Variants in ACBD6 observed in about 807,000 individuals in gnomAD.
The protein encoded by ACBD6 is acyl-CoA-binding domain-containing protein 6.
A neutral mutation model predicts 37.2 loss-of-function variants in ACBD6; 28 were observed. The ratio of observed to expected loss-of-function variants is 0.75; its 90% CI spans 0.56 to 1.03. ACBD6 has a LOEUF of 1.03. ACBD6 is among the 50% of genes least tolerant of loss of function. The pLI, the probability that ACBD6 is intolerant of heterozygous loss-of-function variation, is 0.00. For missense variants in ACBD6, 340 were observed against 337.4 expected (o/e 1.01, Z -0.06); for synonymous variants, 113 against 126.8 (o/e 0.89, Z 0.73).
chr1:180,278,961 A>AAAT (rs886448564), intron 9 of ACBD6: 1 of 152,186 alleles, frequency 6.6e-6, no homozygotes, highest in African/African-American at 2.4e-5. Context: ...AAATTATGTA[A>AAAT]AATAAATATG....
chr1:180,342,395 T>G (rs1652015440), intron 6 of ACBD6, among the ~76,000 whole-genome samples: 1 of 152,164 alleles, frequency 6.6e-6, no homozygotes, highest in Non-Finnish European at 1.5e-5. Context: ...ACAATTATCT[T>G]AAATTATTAT....
exon 14 of ACBD6, chr1:180,271,591 A>G: frequency 6.3e-7 from 1 of 1,599,778 alleles, no homozygotes; most frequent in Non-Finnish European, 8.6e-7. Context: ...ACAGGGGTGG[A>G]AGGTATCCTG....
intron 6 of ACBD6, among the ~76,000 whole-genome samples, chr1:180,381,873 C>G (rs953741852): frequency 6.6e-6 from 1 of 151,834 alleles, no homozygotes; most frequent in Non-Finnish European, 1.5e-5. Flanking sequence ...TTTGGGAGGC[C>G]GAGGTGGGCA....
At chr1:180,306,414 T>A (rs1318987922) in intron 7 of ACBD6, among the ~76,000 whole-genome samples, 1 of 152,108 alleles carries the variant, frequency 6.6e-6, no homozygotes, top group Admixed American at 6.5e-5. Context: ...AATCAGGTCA[T>A]TATTAGACTC....
chr1:180,412,437 T>A (rs1197419582), intron 5 of ACBD6, among the ~76,000 whole-genome samples: 1 of 152,246 alleles, frequency 6.6e-6, no homozygotes. Flanking sequence ...GCCATTTCAG[T>A]AATCTTTCAC....
At chr1:180,495,720 T>C (rs1224653226) in intron 1 of ACBD6, among the ~76,000 whole-genome samples, 195 bp from the exon 2 acceptor site, 1 of 152,190 alleles carries the variant, frequency 6.6e-6, no homozygotes, top group Non-Finnish European at 1.5e-5. Context: ...ACATACAGCC[T>C]ACTTTGGCTT....
At chr1:180,478,283 TAGAG>T (rs1308930901) in intron 3 of ACBD6, among the ~76,000 whole-genome samples, 2 of 152,158 alleles carry the variant, frequency 1.3e-5, no homozygotes, top group African/African-American at 4.8e-5. Flanking sequence ...GTGTGTCTAT[TAGAG>T]AAATACACAA....
intron 6 of ACBD6, among the ~76,000 whole-genome samples, chr1:180,364,917 T>C (rs531879239): frequency 1.3e-5 from 2 of 152,196 alleles, no homozygotes; most frequent in African/African-American, 4.8e-5. Flanking sequence ...GTAGTTTTAA[T>C]AGAGACAGGG....
At position 180,430,191 on chromosome 1, in the gene ACBD6, T is replaced by C. The variant is rs189730262; in HGVS notation, c.456A>G (p.Glu152=). The change falls in exon 4 of 8, where the codon GAA becomes GAG. Residue 152 remains glutamate, a synonymous_variant. Transcript: ENST00000367595. ...AGAAGAGAAATTACCTGATGGTTTCTTCATGATATAGAGAACTAATAACTG... is the reference window on the plus strand; with the variant it reads ...AGAAGAGAAATTACCTGATGGTTTCCTCATGATATAGAGAACTAATAACTG... ...GGPVISSLYH[E]ETIREEDKNI... The C allele has an allele frequency of 1.1e-4, 178 of 1,613,012 alleles. 1 individual carries two copies. In the Middle Eastern group the frequency reaches 1.7e-3, roughly 15 times the overall value.
intron 4 of ACBD6, among the ~76,000 whole-genome samples, chr1:180,429,833 T>C (rs537615762): frequency 6.6e-6 from 1 of 152,270 alleles, no homozygotes; most frequent in Non-Finnish European, 1.5e-5. Context: ...CACAACATCT[T>C]GTCCCACCAA....
At chr1:180,401,175 A>G (rs1400300773) in intron 5 of ACBD6, among the ~76,000 whole-genome samples, 4 of 152,320 alleles carry the variant, frequency 2.6e-5, no homozygotes, top group African/African-American at 9.6e-5. Flanking sequence ...GAAGACCACG[A>G]ACACTGGAGA....
chr1:180,450,620 C>T (rs1408536610), intron 3 of ACBD6, among the ~76,000 whole-genome samples: 4 of 151,978 alleles, frequency 2.6e-5, no homozygotes, highest in African/African-American at 9.7e-5. Context: ...ATTAGCCAGG[C>T]GTGGTGGCAG....
Position 180,495,519 on chromosome 1 carries a change from CT to C in ACBD6, c.228del (p.Val77LeufsTer41). On this transcript the variant is annotated frameshift_variant, in exon 2 of 8. Coordinates refer to ENST00000367595, the MANE Select transcript of ACBD6 (RefSeq NM_032360.4). LOFTEE classifies it high-confidence loss of function. ...GGTTTAGGAGTATTACAATTTCCAACTTTGACCTAAATGAGGGAAGGAAAAT... is the reference window on the plus strand; with the variant it reads ...GGTTTAGGAGTATTACAATTTCCAACTTGACCTAAATGAGGGAAGGAAAAT... ...LYLYARYKQV[K>X]VGNCNTPKPS... 6.2e-7 allele frequency: 1 copy of C among 1,609,890 alleles called. No homozygotes were observed. The highest frequency in any genetic ancestry group is 8.5e-7 in the Non-Finnish European group (1 of 1,177,272).
downstream of ACBD6, among the ~76,000 whole-genome samples, chr1:180,283,277 G>C (rs1649372135): frequency 6.6e-6 from 1 of 152,098 alleles, no homozygotes; most frequent in South Asian, 2.1e-4. Flanking sequence ...CTGCTGCCTA[G>C]TACAGTCCAT....
chr1:180,434,556 T>C (rs1648944667), intron 3 of ACBD6, among the ~76,000 whole-genome samples: 1 of 152,232 alleles, frequency 6.6e-6, no homozygotes, highest in Non-Finnish European at 1.5e-5. Flanking sequence ...AGTAAGAACC[T>C]TGGTCTCCAC....
chr1:180,317,918 T>C (rs1650877804), intron 6 of ACBD6, among the ~76,000 whole-genome samples: 1 of 152,204 alleles, frequency 6.6e-6, no homozygotes, highest in Non-Finnish European at 1.5e-5. Context: ...GGCTCATGCC[T>C]GTAATCCTGG....
intron 3 of ACBD6, among the ~76,000 whole-genome samples, chr1:180,467,375 G>T (rs1650385617): frequency 6.9e-6 from 1 of 144,262 alleles, no homozygotes; most frequent in African/African-American, 2.5e-5. Context: ...ACTTTGGGAG[G>T]CTGAGGTGGG....
In ACBD6 at chr1:180,450,780, A is replaced by C. The variant is rs72716604; in HGVS notation, c.385-20518T>G. On this transcript the variant is annotated intron_variant, in intron 3 of 7. Coordinates refer to ENST00000367595, the MANE Select transcript of ACBD6 (RefSeq NM_032360.4). Reference sequence around the variant, plus strand: ...CAAAAAAACAAAACAAACAAACAAAAAAAAACTTCTGAAAGACTCATATAA... The same window carrying C: ...CAAAAAAACAAAACAAACAAACAAACAAAAACTTCTGAAAGACTCATATAA... Among the ~76,000 whole-genome samples, 880 of 152,160 alleles carry C rather than the reference A, an allele frequency of 5.8e-3. 2 individuals carry two copies. The highest frequency in any genetic ancestry group is 7.3e-3 in the African/African-American group (304 of 41,502).
At chr1:180,497,647 T>C (rs769947252) in intron 1 of ACBD6, among the ~76,000 whole-genome samples, 1 of 152,234 alleles carries the variant, frequency 6.6e-6, no homozygotes. Context: ...ATAAATAACA[T>C]TTCATGCAAA....
Sources: gnomAD v4.1 joint callset for allele counts (sites outside exome capture counted in the v4.1 genomes callset) on GRCh38, gnomAD v4.1.1 for gene constraint, MANE v1.5 for transcripts, NCBI Gene and HGNC (gene_info 2026-07-23, HGNC 2026-07-21) for gene names.